Variants in SGCZ observed in about 807,000 individuals in gnomAD.
The protein encoded by SGCZ is zeta-sarcoglycan.
A neutral mutation model predicts 41.3 loss-of-function variants in SGCZ; 40 were observed. That is an observed-to-expected ratio of 0.97 (90% CI 0.75 to 1.26). SGCZ has a LOEUF of 1.26. SGCZ is among the 50% of genes most tolerant of loss of function. SGCZ has a pLI of 0.00. For missense variants in SGCZ, 552 were observed against 369.8 expected, an observed-to-expected ratio of 1.49 and a Z score of -4.04; for synonymous variants, 206 against 137.5, an observed-to-expected ratio of 1.50 and a Z score of -3.49.
At chr8:14,639,034 G>T (rs370496720) in intron 1 of SGCZ, among the ~76,000 whole-genome samples, 2,750 of 120,354 alleles carry the variant, frequency 0.023, 54 homozygotes, top group African/African-American at 0.059. Context: ...TAAGAAACTG[G>T]AATCTTTTTT....
chr8:15,027,210 T>A (rs745687125), intron 1 of SGCZ, among the ~76,000 whole-genome samples: 7 of 152,124 alleles, frequency 4.6e-5, no homozygotes, highest in Non-Finnish European at 1.0e-4. Flanking sequence ...ACTCACAATA[T>A]GTACTGACAT....
intron 1 of SGCZ, among the ~76,000 whole-genome samples, chr8:15,224,597 C>A (rs986436354): frequency 6.6e-6 from 1 of 152,154 alleles, no homozygotes; most frequent in African/African-American, 2.4e-5. Context: ...TTAGATATTA[C>A]AATAAACGTA....
intron 3 of SGCZ, among the ~76,000 whole-genome samples, chr8:14,249,471 A>G (rs1799212670): frequency 2.0e-5 from 3 of 152,094 alleles, no homozygotes; most frequent in South Asian, 2.1e-4. Context: ...TACAGCAACC[A>G]TATTATTTAC....
At chr8:15,231,016 C>A (rs1381168552) in intron 1 of SGCZ, among the ~76,000 whole-genome samples, 1 of 152,154 alleles carries the variant, frequency 6.6e-6, no homozygotes, top group Admixed American at 6.5e-5. Context: ...AGATCAGCAC[C>A]TTTTCCACTG....
chr8:14,157,988 C>G (rs1310632440), intron 5 of SGCZ, among the ~76,000 whole-genome samples: 1 of 152,138 alleles, frequency 6.6e-6, no homozygotes, highest in African/African-American at 2.4e-5. Context: ...TTGAGACCAG[C>G]CTGGCCAACA....
chr8:14,582,786 A>G (rs1490570471), intron 1 of SGCZ, among the ~76,000 whole-genome samples: 3 of 149,784 alleles, frequency 2.0e-5, no homozygotes, highest in Non-Finnish European at 4.4e-5. Flanking sequence ...GCGATAGTTT[A>G]CTGAGAATGA....
chr8:14,092,152 C>T (rs1419497848), intron 7 of SGCZ, among the ~76,000 whole-genome samples: 1 of 151,868 alleles, frequency 6.6e-6, no homozygotes, highest in South Asian at 2.1e-4. Flanking sequence ...ATTGCTGAGG[C>T]CTCTGTTCTG....
chr8:14,957,283 T>A (rs1202584481), intron 1 of SGCZ, among the ~76,000 whole-genome samples: 1 of 152,086 alleles, frequency 6.6e-6, no homozygotes, highest in East Asian at 1.9e-4. Context: ...AAATATAAAT[T>A]TTCATCTTCT....
intron 1 of SGCZ, among the ~76,000 whole-genome samples, chr8:15,085,833 T>A (rs534065066): frequency 2.0e-5 from 3 of 152,168 alleles, no homozygotes; most frequent in African/African-American, 7.2e-5. Context: ...GGCAGCCCTC[T>A]GTCATTCTTG....
At chr8:14,496,127 G>A (rs937213600) in intron 2 of SGCZ, among the ~76,000 whole-genome samples, 10 of 98,294 alleles carry the variant, frequency 1.0e-4, no homozygotes, top group South Asian at 3.5e-4. Flanking sequence ...GTGCAGTGGC[G>A]TGATCATGGC....
chr8:14,759,595 TAGAG>T (rs1056595582), intron 1 of SGCZ, among the ~76,000 whole-genome samples: 1 of 152,178 alleles, frequency 6.6e-6, no homozygotes, highest in Non-Finnish European at 1.5e-5. Context: ...TTAAGATTCA[TAGAG>T]AGTCTATTAC....
chr8:14,465,806 T>C (rs1037348566), intron 2 of SGCZ, among the ~76,000 whole-genome samples: 13 of 151,848 alleles, frequency 8.6e-5, no homozygotes, highest in Non-Finnish European at 1.3e-4. Context: ...ATTTCAGTTG[T>C]TGATGACACA....
At chr8:14,948,545 A>G (rs6987215) in intron 1 of SGCZ, among the ~76,000 whole-genome samples, 5,536 of 152,152 alleles carry the variant, frequency 0.036, 332 homozygotes, top group African/African-American at 0.13. Flanking sequence ...TTCTCAATAA[A>G]AAGCAGAGCC....
chr8:14,151,339 A>G (rs1156776768), intron 5 of SGCZ, among the ~76,000 whole-genome samples: 2 of 152,104 alleles, frequency 1.3e-5, no homozygotes, highest in African/African-American at 4.8e-5. Context: ...AAATTAAACC[A>G]TACTATTTAT....
intron 1 of SGCZ, among the ~76,000 whole-genome samples, chr8:15,154,072 T>C (rs1171707060): frequency 6.6e-6 from 1 of 150,754 alleles, no homozygotes; most frequent in Non-Finnish European, 1.5e-5. Context: ...GAGATGAAGC[T>C]CAGGAGGTCA....
At chr8:15,049,326 A>G (rs1489717392) in intron 1 of SGCZ, among the ~76,000 whole-genome samples, 1 of 152,134 alleles carries the variant, frequency 6.6e-6, no homozygotes, top group Non-Finnish European at 1.5e-5. Flanking sequence ...GGTCTATTCA[A>G]CAATCCAAAA....
intron 2 of SGCZ, among the ~76,000 whole-genome samples, chr8:14,395,454 G>C (rs1798887183): frequency 6.6e-6 from 1 of 152,166 alleles, no homozygotes. Context: ...ACTTTACAAA[G>C]GGTGGGTTCC....
chr8:14,739,952 A>G (rs2244118), intron 1 of SGCZ, among the ~76,000 whole-genome samples: 70,328 of 151,814 alleles, frequency 0.46, 16,949 homozygotes, highest in Middle Eastern at 0.54. Flanking sequence ...ATAATAAACA[A>G]CATCTGCATA....
At chr8:14,681,866 G>C (rs958734370) in intron 1 of SGCZ, among the ~76,000 whole-genome samples, 2 of 152,004 alleles carry the variant, frequency 1.3e-5, no homozygotes, top group Admixed American at 6.6e-5. Flanking sequence ...GCATCTTAGG[G>C]AGAAGTAGTT....
Sources: gnomAD v4.1 joint callset for allele counts (sites outside exome capture counted in the v4.1 genomes callset) on GRCh38, gnomAD v4.1.1 for gene constraint, MANE v1.5 for transcripts, NCBI Gene and HGNC (gene_info 2026-07-23, HGNC 2026-07-21) for gene names.